Variants in DSCAM observed in about 807,000 individuals in gnomAD.
The protein encoded by DSCAM is cell adhesion molecule DSCAM.
In DSCAM, 47 loss-of-function variants were observed where a neutral mutation model predicts 217.7. The ratio of observed to expected loss-of-function variants is 0.22; its 90% confidence interval spans 0.17 to 0.28. DSCAM has a LOEUF of 0.28. Ranked by LOEUF, DSCAM falls within the 10% of genes least tolerant of loss-of-function variation. The pLI is 1.00. For synonymous variants in DSCAM, 1,056 were observed against 1,015.3 expected, an observed-to-expected ratio of 1.04 and a Z score of -0.76; for missense variants, 2,080 against 2,618.3, an observed-to-expected ratio of 0.79 and a Z score of 4.49.
chr21:40,563,653 T>C (rs913021037), intron 3 of DSCAM, among the ~76,000 whole-genome samples: 3 of 139,832 alleles, frequency 2.1e-5, no homozygotes, highest in Non-Finnish European at 4.5e-5. Context: ...TAGTTATATG[T>C]TTATGTTTGT....
intron 3 of DSCAM, among the ~76,000 whole-genome samples, chr21:40,571,609 T>C (rs992988031): frequency 2.0e-5 from 3 of 152,170 alleles, no homozygotes; most frequent in South Asian, 2.1e-4. Flanking sequence ...AAAACATAGG[T>C]AGTATAACAT....
At chr21:40,829,483 G>T (rs2091995858) in intron 1 of DSCAM, among the ~76,000 whole-genome samples, 1 of 152,216 alleles carries the variant, frequency 6.6e-6, no homozygotes, top group Non-Finnish European at 1.5e-5. Context: ...AAGTGCAGCT[G>T]CTCTGATGCA....
At position 40,296,148 on chromosome 21, in the gene DSCAM, G is replaced by T. The variant is rs377756924; in HGVS notation, c.2089C>A (p.Arg697=). The change falls in exon 10 of 33, where the codon CGG becomes AGG. Residue 697 remains arginine (R), a synonymous_variant. Coordinates refer to ENST00000400454, the MANE Select transcript of DSCAM (RefSeq NM_001389.5). ...RVPPKFVVQP[R]DQDGIYGKAV... Reference sequence around the variant, plus strand: ...TTGCCATAAATCCCGTCCTGGTCCCGTGGCTGAACCACAAACTTGGGAGGA... The same window carrying T: ...TTGCCATAAATCCCGTCCTGGTCCCTTGGCTGAACCACAAACTTGGGAGGA... The T allele has an allele frequency of 6.8e-6, 11 of 1,614,068 alleles. No homozygotes were observed. Among genetic ancestry groups the T allele is most frequent in the Middle Eastern group, 1.6e-4 (1 of 6,062 alleles).
At chr21:40,832,868 T>G (rs770866372) in intron 1 of DSCAM, among the ~76,000 whole-genome samples, 1 of 152,214 alleles carries the variant, frequency 6.6e-6, no homozygotes, top group Non-Finnish European at 1.5e-5. Context: ...TTCTTTCCTA[T>G]GCAGTCCCAA....
chr21:40,540,400 A>G (rs1030979465), intron 3 of DSCAM, among the ~76,000 whole-genome samples: 1 of 152,036 alleles, frequency 6.6e-6, no homozygotes, highest in Non-Finnish European at 1.5e-5. Flanking sequence ...ACACAGCGTA[A>G]TCTCTCTGTC....
chr21:40,552,412 C>A (rs2076637895), intron 3 of DSCAM, among the ~76,000 whole-genome samples: 1 of 152,176 alleles, frequency 6.6e-6, no homozygotes, highest in Admixed American at 6.5e-5. Context: ...GCCTTTAGCA[C>A]ACTGCATTTC....
intron 28 of DSCAM, among the ~76,000 whole-genome samples, chr21:40,060,547 A>G (rs2089100521): frequency 6.9e-6 from 1 of 144,552 alleles, no homozygotes; most frequent in South Asian, 2.4e-4. Context: ...TGCTCAGTGT[A>G]CGGACTGGTG....
chr21:40,659,384 T>C (rs1346933156), intron 3 of DSCAM, among the ~76,000 whole-genome samples: 3 of 134,646 alleles, frequency 2.2e-5, no homozygotes, highest in African/African-American at 8.3e-5. Flanking sequence ...TATCTATCTA[T>C]CTATCTATCA....
chr21:40,039,303 A>C (rs910423250), intron 32 of DSCAM, among the ~76,000 whole-genome samples: 1 of 144,260 alleles, frequency 6.9e-6, no homozygotes, highest in Admixed American at 6.9e-5. Flanking sequence ...CAGATGAAAT[A>C]AAAATCAAAA....
At chr21:40,460,548 G>C (rs1269342140) in intron 3 of DSCAM, among the ~76,000 whole-genome samples, 1 of 152,060 alleles carries the variant, frequency 6.6e-6, no homozygotes, top group African/African-American at 2.4e-5. Flanking sequence ...AAAATGTTTT[G>C]TAATTTAGAC....
At chr21:40,802,712 T>C (rs2091753007) in intron 1 of DSCAM, among the ~76,000 whole-genome samples, 1 of 152,174 alleles carries the variant, frequency 6.6e-6, no homozygotes, top group Non-Finnish European at 1.5e-5. Context: ...CACTCAGCCC[T>C]TCACCATGTG....
At chr21:40,067,760 C>G in intron 27 of DSCAM, among the ~76,000 whole-genome samples, 1 of 83,520 alleles carries the variant, frequency 1.2e-5, no homozygotes, top group African/African-American at 4.4e-5. Flanking sequence ...CTCCCTCCCT[C>G]CCTCCCTCCC....
intron 9 of DSCAM, among the ~76,000 whole-genome samples, chr21:40,299,796 G>A (rs982025788): frequency 8.5e-5 from 13 of 152,098 alleles, no homozygotes; most frequent in African/African-American, 2.7e-4. Context: ...ATTTTTTAAA[G>A]TAAGCAGCAG....
At chr21:40,094,528 TG>T (rs1178540464) in intron 20 of DSCAM, among the ~76,000 whole-genome samples, 1 of 152,052 alleles carries the variant, frequency 6.6e-6, no homozygotes, top group East Asian at 1.9e-4. Context: ...AGCAGATCCA[TG>T]GATGCATGTG....
chr21:40,356,081 C>T (rs953552154), intron 4 of DSCAM, among the ~76,000 whole-genome samples: 2 of 151,844 alleles, frequency 1.3e-5, no homozygotes, highest in African/African-American at 4.8e-5. Context: ...CTGGCTGTTG[C>T]GAATGATTCT....
chr21:40,577,319 A>C (rs2076859602), intron 3 of DSCAM, among the ~76,000 whole-genome samples: 3 of 151,500 alleles, frequency 2.0e-5, no homozygotes, highest in African/African-American at 4.9e-5. Flanking sequence ...ACAAAGTCAA[A>C]TCTGACCTAC....
chr21:40,309,333 C>A (rs1009863094), intron 9 of DSCAM, among the ~76,000 whole-genome samples: 3 of 152,192 alleles, frequency 2.0e-5, no homozygotes. Flanking sequence ...AAACCAGTGA[C>A]CAACTCTTGG....
At chr21:40,450,043 T>A (rs2075706233) in intron 3 of DSCAM, among the ~76,000 whole-genome samples, 2 of 152,156 alleles carry the variant, frequency 1.3e-5, no homozygotes, top group Non-Finnish European at 2.9e-5. Flanking sequence ...CAATGAAATG[T>A]TCAGTGACAT....
At position 40,636,015 on chromosome 21, in the gene DSCAM, T is replaced by C. The variant is rs2089753597; in HGVS notation, c.508+56795A>G. ...ATTCTCTGAAGAGAAAAATGCATTT[T>C]GTTCTAATATTCTCTTAATAGATTT... On this transcript the variant is annotated intron_variant, in intron 3 of 32. Transcript: ENST00000400454. Among the ~76,000 whole-genome samples, 4 of 152,232 alleles carry C rather than the reference T, an allele frequency of 2.6e-5. 1 individual carries two copies.
Sources: gnomAD v4.1 joint callset for allele counts (sites outside exome capture counted in the v4.1 genomes callset) on GRCh38, gnomAD v4.1.1 for gene constraint, MANE v1.5 for transcripts, NCBI Gene and HGNC (gene_info 2026-07-23, HGNC 2026-07-21) for gene names.